INPP5D: variants seen among roughly 807,000 people sequenced by gnomAD.
INPP5D encodes the protein inositol polyphosphate-5-phosphatase D.
A neutral mutation model predicts 122.9 loss-of-function variants in INPP5D; 33 were observed. The ratio of observed to expected loss-of-function variants is 0.27; its 90% CI spans 0.20 to 0.36. INPP5D has a LOEUF of 0.36. INPP5D is among the 10% of genes least tolerant of loss of function. The pLI is 1.00. For synonymous variants in INPP5D, 584 were observed against 576.2 expected, an observed-to-expected ratio of 1.01 and a Z score of -0.19; for missense variants, 1,053 against 1,412.7, an observed-to-expected ratio of 0.75 and a Z score of 4.08.
At chr2:233,101,835 G>A (rs1321585168) in intron 2 of INPP5D, among the ~76,000 whole-genome samples, 1 of 149,606 alleles carries the variant, frequency 6.7e-6, no homozygotes, top group African/African-American at 2.5e-5. Flanking sequence ...CCTCTTCCTT[G>A]TGATCAGGTT....
chr2:233,195,093 G>C (rs1026723072), intron 23 of INPP5D, among the ~76,000 whole-genome samples: 2 of 152,142 alleles, frequency 1.3e-5, no homozygotes, highest in Admixed American at 6.5e-5. Flanking sequence ...ACCACACCTG[G>C]CCTGTTTATT....
chr2:233,087,069 T>C (rs931280672), intron 2 of INPP5D, among the ~76,000 whole-genome samples: 12 of 152,230 alleles, frequency 7.9e-5, no homozygotes, highest in Non-Finnish European at 1.5e-5. Flanking sequence ...CATGATTTCT[T>C]GCTTATTGCA....
chr2:233,181,373 G>A (rs866347226), intron 18 of INPP5D, among the ~76,000 whole-genome samples: 2 of 152,034 alleles, frequency 1.3e-5, no homozygotes, highest in African/African-American at 2.4e-5. Context: ...CTTTGCTGGC[G>A]GTTTTTCCTT....
chr2:233,061,228 A>G (rs1314577116), intron 1 of INPP5D, among the ~76,000 whole-genome samples: 1 of 78,918 alleles, frequency 1.3e-5, no homozygotes. Context: ...CCCACCCCCC[A>G]CCCCCTCAAT....
intron 2 of INPP5D, among the ~76,000 whole-genome samples, chr2:233,115,469 G>C (rs1158436050): frequency 2.0e-5 from 3 of 152,192 alleles, no homozygotes. Flanking sequence ...ACTGTTTCTG[G>C]AAATGCAGCA....
intron 17 of INPP5D, among the ~76,000 whole-genome samples, chr2:233,174,381 T>A (rs1694566674): frequency 6.6e-6 from 1 of 152,222 alleles, no homozygotes; most frequent in African/African-American, 2.4e-5. Flanking sequence ...TCCAGCTCCA[T>A]TATAATTTTG....
intron 2 of INPP5D, 86 bp downstream of exon 2, chr2:233,079,484 C>T (rs1691613981): frequency 2.3e-6 from 2 of 884,850 alleles, no homozygotes; most frequent in East Asian, 4.9e-5. Context: ...GAAGGAAGTG[C>T]ACGCGCAGGT....
rs1694161793 is a variant in INPP5D, at chr2:233,160,026, A to G, written c.1137+1607A>G. On this transcript the variant is annotated intron_variant, in intron 10 of 26. Coordinates refer to ENST00000445964, the MANE Select transcript of INPP5D (RefSeq NM_001017915.3). The surrounding 1 kb of genome is among the most constrained non-coding windows in gnomAD (Gnocchi z 4.2). ...TGGAATGCTTTCTGAGCACCTGGGC[A>G]TAGGTTCAAACACCAGCTCTGCCCC... 1.3e-5 allele frequency among the ~76,000 whole-genome samples: 2 copies of G among 152,202 alleles called. No individual in the cohort carries two copies. The highest frequency in any genetic ancestry group is 1.3e-4 in the Admixed American group (2 of 15,274).
chr2:233,086,745 A>G (rs1691862581), intron 2 of INPP5D, among the ~76,000 whole-genome samples: 1 of 152,200 alleles, frequency 6.6e-6, no homozygotes, highest in Non-Finnish European at 1.5e-5. Context: ...CTAACAGCTA[A>G]AAGTGTCCTA....
At chr2:233,129,185 T>G (rs986032270) in intron 4 of INPP5D, among the ~76,000 whole-genome samples, 5 of 152,016 alleles carry the variant, frequency 3.3e-5, no homozygotes, top group Non-Finnish European at 7.4e-5. Context: ...AATAAATAAA[T>G]AAATAAATGA....
chr2:233,161,055 T>C (rs1694186198), intron 10 of INPP5D, among the ~76,000 whole-genome samples: 1 of 152,208 alleles, frequency 6.6e-6, no homozygotes, highest in Non-Finnish European at 1.5e-5. Flanking sequence ...GGATCACACT[T>C]GTTAAACACT....
rs1486155748 is a variant in INPP5D at position 233,170,096 on chromosome 2, A to T, written c.1723A>T (p.Ile575Phe). The stretch of plus-strand genomic sequence containing the variant: ...CGACAAGAAGCTGAGTCCCTTTAAC[A>T]TCACTCACCGCTTCACGCACCTCTT... ...LGDKKLSPFN[I>F]THRFTHLFWF... The change falls in exon 15 of 27, where the codon ATC (isoleucine) becomes TTC (phenylalanine). Residue 575 changes from isoleucine (I) to phenylalanine (F), a missense_variant. Around this residue, in one of 6 missense-constraint regions of INPP5D, gnomAD observed 258 missense variants for 439.1 expected, o/e 0.59. Transcript: ENST00000445964. This position sits in a 1 kb window ranked among gnomAD's most constrained non-coding sequence, Gnocchi z 4.5. The T allele has an allele frequency of 1.2e-6, 2 of 1,613,936 alleles. No homozygotes were observed. The highest frequency in any genetic ancestry group is 4.5e-5 in the East Asian group (2 of 44,864).
At chr2:233,148,060 C>T (rs1321744547) in intron 9 of INPP5D, among the ~76,000 whole-genome samples, 1 of 152,202 alleles carries the variant, frequency 6.6e-6, no homozygotes, top group African/African-American at 2.4e-5. Flanking sequence ...ATGTAGTGGC[C>T]ACTTTGAGAG....
chr2:233,141,161 C>T (rs1214667073), intron 6 of INPP5D: 2 of 152,122 alleles, frequency 1.3e-5, no homozygotes, highest in Non-Finnish European at 2.9e-5. Context: ...GGCAGTTTGG[C>T]CATTTGTATG....
intron 1 of INPP5D, among the ~76,000 whole-genome samples, chr2:233,071,221 A>G (rs1397007472): frequency 6.6e-6 from 1 of 152,110 alleles, no homozygotes; most frequent in Non-Finnish European, 1.5e-5. Context: ...CCCAGGAGGC[A>G]GAGGTTGCAG....
chr2:233,178,887 G>A lies in INPP5D; in HGVS notation c.2071+1541G>A, dbSNP rs190151508. Among the ~76,000 whole-genome samples the A allele has an allele frequency of 9.9e-5, 15 of 152,284 alleles. No homozygotes were observed. The East Asian group carries it at 2.3e-3, about 24-fold the overall frequency. Reference sequence around the variant, plus strand: ...GGAGAGGGGTGGGGGAATGCTGCCCGCTGGCCACCTTTGTGGCTCCCACTC... The same window carrying A: ...GGAGAGGGGTGGGGGAATGCTGCCCACTGGCCACCTTTGTGGCTCCCACTC... On this transcript the variant is annotated intron_variant, in intron 18 of 26. Coordinates refer to ENST00000445964, the MANE Select transcript of INPP5D (RefSeq NM_001017915.3).
At chr2:233,191,126 C>T (rs142794524) in intron 22 of INPP5D, among the ~76,000 whole-genome samples, 226 of 152,308 alleles carry the variant, frequency 1.5e-3, no homozygotes, top group Non-Finnish European at 2.7e-3. Flanking sequence ...GTAATTGACT[C>T]ACAGTTCTGC....
intron 16 of INPP5D, 36 bp from the exon 17 acceptor site, chr2:233,171,028 G>C: frequency 1.9e-6 from 3 of 1,609,786 alleles, no homozygotes; most frequent in Non-Finnish European, 2.5e-6. Context: ...CAAAACCTGG[G>C]GAATCAGAAT....
At position 233,185,705 on chromosome 2, in the gene INPP5D, G is replaced by T. The variant is rs1215351680; in HGVS notation, c.2276-138G>T. ...GGCCTGACTCCTAAATGATGCTGAG[G>T]CCCCGAGATAAAAAAAAAAAAAAAA... is the stretch of plus-strand genomic sequence containing the variant. On this transcript the variant is annotated intron_variant, in intron 20 of 26. Transcript: ENST00000445964. 23 of 1,041,108 alleles carry T rather than the reference G, an allele frequency of 2.2e-5. No homozygotes were observed. In the African/African-American group the frequency reaches 4.1e-4, roughly 18 times the overall value. The allele number at this position is 1,041,108 out of a possible 1,614,324, so 64.5% of individuals were successfully genotyped here.
Sources: allele counts gnomAD v4.1 joint callset (sites outside exome capture counted in the v4.1 genomes callset), GRCh38; gene constraint gnomAD v4.1.1; regional missense constraint gnomAD v4.1.1; non-coding constraint Gnocchi (gnomAD v3.1); transcripts MANE v1.5; gene names NCBI Gene and HGNC (gene_info 2026-07-23, HGNC 2026-07-21).